GPC6: variants seen among roughly 807,000 people sequenced by gnomAD.
GPC6 encodes glypican-6.
GPC6 carries 14 observed loss-of-function variants against 55.2 expected under a neutral mutation model. That is an observed-to-expected ratio of 0.25 (90% CI 0.17 to 0.40). The LOEUF is 0.40. GPC6 is among the 10% of genes least tolerant of loss of function. The pLI is 1.00. For missense variants in GPC6, 641 were observed against 708.5 expected (o/e 0.90, Z 1.08); for synonymous variants, 278 against 259.6 (o/e 1.07, Z -0.68).
chr13:94,358,957 T>G (rs1011246848), intron 6 of GPC6, among the ~76,000 whole-genome samples: 26 of 152,364 alleles, frequency 1.7e-4, no homozygotes, highest in African/African-American at 6.3e-4. Flanking sequence ...TGGAGTCACC[T>G]TTTTGGACCA....
intron 4 of GPC6, among the ~76,000 whole-genome samples, chr13:94,066,087 C>T (rs1013664935): frequency 2.0e-5 from 3 of 152,146 alleles, no homozygotes; most frequent in Non-Finnish European, 2.9e-5. Context: ...TCAGATGGTG[C>T]TCAGTGAATT....
In GPC6 at chr13:94,231,348, A is replaced by G. The variant is rs200076875; in HGVS notation, c.878-55001A>G. ...AATATTACTAAGCAGAAAATTAAAA[A>G]CGATCCTATTGGCTGTTGGCCTTGG... On this transcript the variant is annotated intron_variant, in intron 4 of 8. Coordinates refer to ENST00000377047, the MANE Select transcript of GPC6 (RefSeq NM_005708.5). Among the ~76,000 whole-genome samples the G allele has an allele frequency of 2.0e-4, 31 of 152,122 alleles. No homozygotes were observed. In the East Asian group the frequency reaches 5.6e-3, roughly 27 times the overall value.
chr13:93,947,276 T>C (rs562958377), intron 3 of GPC6, among the ~76,000 whole-genome samples: 3 of 152,284 alleles, frequency 2.0e-5, no homozygotes, highest in East Asian at 3.9e-4. Context: ...TGGCACATTC[T>C]TCCAAACTAC....
intron 4 of GPC6, among the ~76,000 whole-genome samples, chr13:94,211,313 T>G (rs1434483854): frequency 6.6e-6 from 1 of 152,176 alleles, no homozygotes; most frequent in Admixed American, 6.5e-5. Flanking sequence ...ATTAGGGTAT[T>G]TATTGGATAC....
intron 2 of GPC6, among the ~76,000 whole-genome samples, chr13:93,651,402 A>C (rs1364065489): frequency 1.3e-5 from 2 of 152,166 alleles, no homozygotes; most frequent in African/African-American, 4.8e-5. Context: ...GAAACAGCTG[A>C]GCCTCAGGAA....
chr13:93,762,091 A>AT (rs1379062813), intron 2 of GPC6, among the ~76,000 whole-genome samples: 3 of 151,888 alleles, frequency 2.0e-5, no homozygotes, highest in Middle Eastern at 3.2e-3. Flanking sequence ...TGAAAGTTTG[A>AT]TTTTTTACAC....
rs375198588 is a variant in GPC6, at chr13:93,868,609, CCT to C, written c.711+38069_711+38070del. ...GGATTTATGTAAAGGTCTCTCTTTCCCTCTCTTTCACTGCCAAAAGGACAAAG... is the reference window on the plus strand; with the variant it reads ...GGATTTATGTAAAGGTCTCTCTTTCCCTCTTTCACTGCCAAAAGGACAAAG... On this transcript the variant is annotated intron_variant, in intron 3 of 8. Coordinates refer to ENST00000377047, the MANE Select transcript of GPC6 (RefSeq NM_005708.5). Among the ~76,000 whole-genome samples, 533 of 151,778 alleles carry C rather than the reference CCT, an allele frequency of 3.5e-3. 1 individual carries two copies. The highest frequency in any genetic ancestry group is 0.012 in the African/African-American group (513 of 41,458).
chr13:93,556,699 C>T (rs1203493580), intron 2 of GPC6, among the ~76,000 whole-genome samples: 1 of 151,950 alleles, frequency 6.6e-6, no homozygotes, highest in African/African-American at 2.4e-5. Context: ...CACTCACTCG[C>T]TGCCCGTCAC....
chr13:94,087,747 A>T (rs1052629163), intron 4 of GPC6, among the ~76,000 whole-genome samples: 2 of 152,238 alleles, frequency 1.3e-5, no homozygotes, highest in Non-Finnish European at 1.5e-5. Context: ...TGAATGAGAC[A>T]TGTTCCACAG....
At chr13:93,544,049 C>T (rs575709774) in intron 1 of GPC6, among the ~76,000 whole-genome samples, 11 of 151,104 alleles carry the variant, frequency 7.3e-5, no homozygotes, top group South Asian at 2.1e-4. Flanking sequence ...TTGCATTTCC[C>T]GGATGATTAG....
At chr13:94,078,614 A>G (rs1884998824) in intron 4 of GPC6, among the ~76,000 whole-genome samples, 1 of 151,960 alleles carries the variant, frequency 6.6e-6, no homozygotes, top group African/African-American at 2.4e-5. Context: ...ACTGTGAACA[A>G]TTACACACCA....
intron 1 of GPC6, among the ~76,000 whole-genome samples, chr13:93,327,369 A>T (rs1879690706): frequency 6.6e-6 from 1 of 152,174 alleles, no homozygotes; most frequent in Admixed American, 6.5e-5. Flanking sequence ...GTGACAGTCG[A>T]ATATACTGTA....
chr13:94,305,404 A>G (rs1875889142), intron 5 of GPC6, among the ~76,000 whole-genome samples: 1 of 152,220 alleles, frequency 6.6e-6, no homozygotes, highest in African/African-American at 2.4e-5. Flanking sequence ...TCTAACATAC[A>G]TATTTTTGCT....
chr13:93,765,489 T>A (rs116620687), intron 2 of GPC6, among the ~76,000 whole-genome samples: 9,884 of 151,670 alleles, frequency 0.065, 725 homozygotes, highest in East Asian at 0.18. Context: ...ATAAACTTTT[T>A]TAAAAAAAAT....
chr13:93,676,396 G>C (rs940377501), intron 2 of GPC6, among the ~76,000 whole-genome samples: 13 of 151,404 alleles, frequency 8.6e-5, no homozygotes, highest in African/African-American at 2.9e-4. Flanking sequence ...CAGCCTGAGT[G>C]ACAGAGTGAG....
chr13:93,498,849 A>G (rs1302844985), intron 1 of GPC6, among the ~76,000 whole-genome samples: 3 of 152,134 alleles, frequency 2.0e-5, no homozygotes, highest in African/African-American at 7.2e-5. Context: ...TGCCATCCAG[A>G]GACTTTTTCT....
At chr13:94,304,801 C>G (rs1276184467) in intron 5 of GPC6, among the ~76,000 whole-genome samples, 1 of 152,196 alleles carries the variant, frequency 6.6e-6, no homozygotes, top group African/African-American at 2.4e-5. Context: ...TGTTTGATTT[C>G]CCATAGCAAT....
At chr13:93,427,444 C>A (rs1877183656) in intron 1 of GPC6, among the ~76,000 whole-genome samples, 2 of 151,558 alleles carry the variant, frequency 1.3e-5, no homozygotes, top group Admixed American at 1.3e-4. Context: ...AGAAATAACG[C>A]CACATATCTA....
At chr13:93,534,825 T>C (rs1249008816) in intron 1 of GPC6, among the ~76,000 whole-genome samples, 1 of 152,200 alleles carries the variant, frequency 6.6e-6, no homozygotes, top group East Asian at 1.9e-4. Flanking sequence ...AACTCCCTTC[T>C]TTCACATTTA....
Sources: allele counts gnomAD v4.1 joint callset (sites outside exome capture counted in the v4.1 genomes callset), GRCh38; gene constraint gnomAD v4.1.1; transcripts MANE v1.5; gene names NCBI Gene and HGNC (gene_info 2026-07-23, HGNC 2026-07-21).